GLIS3: variants seen among roughly 807,000 people sequenced by gnomAD.
GLIS3 encodes zinc finger protein GLIS3.
In GLIS3, 53 loss-of-function variants were observed where a neutral mutation model predicts 78.6. The observed-to-expected ratio is 0.67, with a 90% CI of 0.54 to 0.85. The LOEUF is 0.85. Ranked by LOEUF, GLIS3 falls within the 40% of genes least tolerant of loss-of-function variation. GLIS3 has a pLI of 0.00. For missense variants in GLIS3, 1,703 were observed against 1,231.1 expected (o/e 1.38, Z -5.74); for synonymous variants, 684 against 509.9 (o/e 1.34, Z -4.60).
At chr9:4,124,389 G>A (rs1167919058) in intron 3 of GLIS3, among the ~76,000 whole-genome samples, 1 of 152,194 alleles carries the variant, frequency 6.6e-6, no homozygotes, top group South Asian at 2.1e-4. Flanking sequence ...TAAGCAGTCT[G>A]TGCCCTGACT....
chr9:4,178,334 A>C (rs10814857), intron 2 of GLIS3, among the ~76,000 whole-genome samples: 39,583 of 151,948 alleles, frequency 0.26, 5,557 homozygotes, highest in Middle Eastern at 0.32. Flanking sequence ...TATCCTGCAA[A>C]GGAGGGTGGA....
At chr9:4,365,290 C>A in the GLIS3 span, among the ~76,000 whole-genome samples, 1 of 152,010 alleles carries the variant, frequency 6.6e-6, no homozygotes, top group African/African-American at 2.4e-5. Flanking sequence ...AGGCTGGGTG[C>A]GGTGGCTCAT....
the GLIS3 span, among the ~76,000 whole-genome samples, chr9:4,450,294 G>C: frequency 1.3e-5 from 2 of 152,122 alleles, no homozygotes; most frequent in African/African-American, 2.4e-5. Flanking sequence ...GAGAAGTTTA[G>C]AGAAAAAAGA....
chr9:4,065,036 T>G (rs1001048274), intron 4 of GLIS3, among the ~76,000 whole-genome samples: 1 of 152,176 alleles, frequency 6.6e-6, no homozygotes, highest in African/African-American at 2.4e-5. Context: ...AGGGAAAAAG[T>G]TGGATTCTAG....
At chr9:4,244,157 T>G (rs1032314491) in intron 2 of GLIS3, among the ~76,000 whole-genome samples, 4 of 152,250 alleles carry the variant, frequency 2.6e-5, no homozygotes, top group Admixed American at 1.3e-4. Flanking sequence ...ACTCTGTACC[T>G]CTTTAGTGTT....
chr9:4,207,633 C>T (rs946421588), intron 2 of GLIS3, among the ~76,000 whole-genome samples: 5 of 152,200 alleles, frequency 3.3e-5, no homozygotes, highest in African/African-American at 1.2e-4. Context: ...ACAGCCCATA[C>T]TATGTGTGAC....
rs551380433 is a variant in GLIS3 at position 4,270,862 on chromosome 9, A to G, written c.388+15176T>C. Among the ~76,000 whole-genome samples, 4 of 151,900 alleles carry G rather than the reference A, an allele frequency of 2.6e-5. No homozygotes were observed. The South Asian group carries it at 8.3e-4, about 32-fold the overall frequency. ...ACTGCATGAGCCAATTCCTCATAAT[A>G]AATCAATCTCTCTCTCAATCTGTGT... On this transcript the variant is annotated intron_variant, in intron 2 of 10. Coordinates refer to ENST00000381971, the MANE Select transcript of GLIS3 (RefSeq NM_001042413.2).
chr9:4,416,188 G>A, the GLIS3 span, among the ~76,000 whole-genome samples: 1 of 137,210 alleles, frequency 7.3e-6, no homozygotes, highest in African/African-American at 2.7e-5. Context: ...GGAGGTTGAG[G>A]CAGCAGTGAG....
At position 4,118,725 on chromosome 9, in the gene GLIS3, G is replaced by A. The variant is rs889980946; in HGVS notation, c.753C>T (p.Leu251=). Reference sequence around the variant, plus strand: ...TGGATGTCCCGGGAGGAAGGCTAAGGAGATCCCCTAGATCAAGGCCATTCT... The same window carrying A: ...TGGATGTCCCGGGAGGAAGGCTAAGAAGATCCCCTAGATCAAGGCCATTCT... ...GSQNGLDLGD[L]LSLPPGTSMS... Residue 251 remains leucine (L), a synonymous_variant, in exon 4 of 11, where the codon CTC becomes CTT. Coordinates refer to ENST00000381971, the MANE Select transcript of GLIS3 (RefSeq NM_001042413.2). This position sits in a 1 kb window ranked among gnomAD's most constrained non-coding sequence, Gnocchi z 4.7. 1.9e-6 allele frequency: 3 copies of A among 1,613,898 alleles called. No homozygotes were observed. The highest frequency in any genetic ancestry group is 2.5e-6 in the Non-Finnish European group (3 of 1,180,030).
rs374206783 is a variant in GLIS3, at chr9:4,286,318, C to T, written c.108G>A (p.Gly36=). 1.2e-6 allele frequency: 2 copies of T among 1,614,090 alleles called. No individual in the cohort carries two copies. Among genetic ancestry groups the T allele is most frequent in the Non-Finnish European group, 1.7e-6 (2 of 1,180,024 alleles). The stretch of plus-strand genomic sequence containing the variant: ...TGCCACAGGGCGAGGGGCCAGGAGT[C>T]CCGGAGTGGGCTCGGATGGCAGGAA... The part of the protein sequence containing the change: ...HHIPAIRAHS[G]TPGPSPCGST... The change falls in exon 2 of 11, where the codon GGG becomes GGA. Residue 36 remains glycine (G), a synonymous_variant. Coordinates refer to ENST00000381971, the MANE Select transcript of GLIS3 (RefSeq NM_001042413.2).
At chr9:4,361,617 G>A in the GLIS3 span, among the ~76,000 whole-genome samples, 1 of 152,210 alleles carries the variant, frequency 6.6e-6, no homozygotes, top group African/African-American at 2.4e-5. Flanking sequence ...CAGAATCTAA[G>A]TAGAAGCCCA....
chr9:4,192,222 C>T (rs191160650), intron 2 of GLIS3, among the ~76,000 whole-genome samples: 1 of 152,290 alleles, frequency 6.6e-6, no homozygotes, highest in Admixed American at 6.5e-5. Flanking sequence ...TACCAGCATT[C>T]AGTTTTGTTT....
rs114312413 is a variant in GLIS3, at chr9:3,894,429, C to T, written c.2128+4262G>A. Among the ~76,000 whole-genome samples, 1,125 of 152,128 alleles carry T rather than the reference C, an allele frequency of 7.4e-3. 12 individuals carry two copies. Among genetic ancestry groups the T allele is most frequent in the African/African-American group, 0.026 (1,059 of 41,482 alleles). ...TTCTAACACAACTCTGCAAGCTGTCCCACGACAGCAAATATACTCAATTTA... is the reference window on the plus strand; with the variant it reads ...TTCTAACACAACTCTGCAAGCTGTCTCACGACAGCAAATATACTCAATTTA... On this transcript the variant is annotated intron_variant, in intron 7 of 10. Transcript: ENST00000381971.
chr9:4,227,033 A>G (rs1289483150), intron 2 of GLIS3, among the ~76,000 whole-genome samples: 1 of 152,226 alleles, frequency 6.6e-6, no homozygotes, highest in East Asian at 1.9e-4. Flanking sequence ...GAGTTCTTGC[A>G]TGCAAGGGGG....
chr9:4,344,506 C>T (rs917301009), intron 2 of GLIS3, among the ~76,000 whole-genome samples: 1 of 152,228 alleles, frequency 6.6e-6, no homozygotes, highest in African/African-American at 2.4e-5. Flanking sequence ...TGTAAAGTAA[C>T]CCAGAGCTCA....
the GLIS3 span, among the ~76,000 whole-genome samples, chr9:4,468,347 G>A: frequency 6.6e-6 from 1 of 152,162 alleles, no homozygotes; most frequent in Admixed American, 6.5e-5. Context: ...ATTCACCAAG[G>A]TTAAAATGAA....
intron 4 of GLIS3, among the ~76,000 whole-genome samples, chr9:4,002,752 G>A (rs150133606): frequency 6.9e-4 from 105 of 152,322 alleles, no homozygotes; most frequent in African/African-American, 2.5e-3. Context: ...GGCATACATG[G>A]ATGTCTGCTG....
intron 7 of GLIS3, among the ~76,000 whole-genome samples, chr9:3,890,893 GCTTTT>G (rs989207880): frequency 1.3e-5 from 2 of 152,046 alleles, no homozygotes; most frequent in African/African-American, 4.8e-5. Context: ...ATTCCAATTT[GCTTTT>G]CTTTAGAGAG....
chr9:4,053,288 G>C (rs974762611), intron 4 of GLIS3, among the ~76,000 whole-genome samples: 1 of 152,056 alleles, frequency 6.6e-6, no homozygotes, highest in Non-Finnish European at 1.5e-5. Context: ...TAGCATGAGG[G>C]GCCATTGTGG....
Sources: gnomAD v4.1 joint callset for allele counts (sites outside exome capture counted in the v4.1 genomes callset) on GRCh38, gnomAD v4.1.1 for gene constraint, Gnocchi (gnomAD v3.1) non-coding constraint, MANE v1.5 for transcripts, NCBI Gene and HGNC (gene_info 2026-07-23, HGNC 2026-07-21) for gene names.